THADA: variants seen among roughly 807,000 people sequenced by gnomAD.
THADA encodes the protein tRNA (32-2'-O)-methyltransferase regulator THADA.
THADA carries 213 observed loss-of-function variants against 219.8 expected under a neutral mutation model. The ratio of observed to expected loss-of-function variants is 0.97; its 90% CI spans 0.87 to 1.09. The LOEUF (loss-of-function observed/expected upper bound fraction) is 1.09. Among genes scored for constraint, THADA ranks in the 50% least tolerant of loss-of-function variants. The pLI, the probability that THADA is intolerant of heterozygous loss-of-function variation, is 0.00. For missense variants in THADA, 2,956 were observed against 2,311.3 expected, an observed-to-expected ratio of 1.28 and a Z score of -5.72; for synonymous variants, 1,018 against 828.9, an observed-to-expected ratio of 1.23 and a Z score of -3.92.
chr2:43,397,549 C>T (rs1273214755), intron 29 of THADA, among the ~76,000 whole-genome samples: 1 of 152,000 alleles, frequency 6.6e-6, no homozygotes, highest in African/African-American at 2.4e-5. Context: ...TGCCACAGGG[C>T]AAACTCTCCC....
At chr2:43,321,609 T>C (rs373282666) in intron 30 of THADA, among the ~76,000 whole-genome samples, 1 of 152,320 alleles carries the variant, frequency 6.6e-6, no homozygotes, top group South Asian at 2.1e-4. Flanking sequence ...TGCGTGCTCT[T>C]TTCTGCCTTC....
intron 29 of THADA, among the ~76,000 whole-genome samples, chr2:43,385,909 C>G (rs1405524326): frequency 6.6e-6 from 1 of 151,392 alleles, no homozygotes; most frequent in Non-Finnish European, 1.5e-5. Flanking sequence ...AATCTTAGAC[C>G]TTTTTAGAAA....
intron 26 of THADA, among the ~76,000 whole-genome samples, chr2:43,465,564 G>T (rs770345905): frequency 6.6e-6 from 1 of 152,178 alleles, no homozygotes; most frequent in Non-Finnish European, 1.5e-5. Flanking sequence ...AATACTCACA[G>T]ATCTTGAAAA....
At chr2:43,320,423 T>A in intron 31 of THADA, 23 bp downstream of exon 31, 1 of 1,582,800 alleles carries the variant, frequency 6.3e-7, no homozygotes, top group South Asian at 1.1e-5. Context: ...GATTCCAAAA[T>A]ACAGTATAAC....
intron 20 of THADA, among the ~76,000 whole-genome samples, chr2:43,543,004 C>T (rs978945755): frequency 1.4e-5 from 2 of 144,586 alleles, no homozygotes; most frequent in Admixed American, 6.9e-5. Context: ...TCTCCTAAAG[C>T]TATCCCTCCC....
chr2:43,466,905 G>A (rs181945195), intron 26 of THADA, among the ~76,000 whole-genome samples: 340 of 148,304 alleles, frequency 2.3e-3, no homozygotes, highest in Middle Eastern at 0.013. Flanking sequence ...ACGGGGGGCC[G>A]GGCACGGTGG....
chr2:43,281,059 C>G (rs951575835), intron 35 of THADA, among the ~76,000 whole-genome samples: 2 of 152,138 alleles, frequency 1.3e-5, no homozygotes, highest in African/African-American at 4.8e-5. Flanking sequence ...CCATGGAAGA[C>G]CACCACGCAG....
chr2:43,436,734 C>T (rs1453810051), intron 26 of THADA, among the ~76,000 whole-genome samples: 1 of 152,144 alleles, frequency 6.6e-6, no homozygotes, highest in Non-Finnish European at 1.5e-5. Flanking sequence ...TAAGATTTAC[C>T]AGCTGATTGT....
At chr2:43,399,641 G>A (rs1377260945) in intron 28 of THADA, among the ~76,000 whole-genome samples, 1 of 152,138 alleles carries the variant, frequency 6.6e-6, no homozygotes, top group Admixed American at 6.5e-5. Flanking sequence ...TTTCAGGATG[G>A]AGAAGAGGTC....
intron 29 of THADA, among the ~76,000 whole-genome samples, chr2:43,367,158 G>T (rs975756908): frequency 6.6e-6 from 1 of 152,096 alleles, no homozygotes; most frequent in Non-Finnish European, 1.5e-5. Context: ...AAAATAGAAT[G>T]GTAGTTGCTA....
intron 16 of THADA, among the ~76,000 whole-genome samples, chr2:43,557,360 C>T (rs896379637): frequency 6.6e-5 from 10 of 152,146 alleles, no homozygotes; most frequent in Admixed American, 6.5e-4. Context: ...CTAGACAGGG[C>T]AGTTCATAGT....
At chr2:43,232,921 C>T (rs778702267) in intron 36 of THADA, 39 bp from the exon 37 acceptor site, 1 of 1,566,118 alleles carries the variant, frequency 6.4e-7, no homozygotes. Context: ...GAATATACTG[C>T]TCAGGGCCGA....
intron 15 of THADA, chr2:43,562,586 T>A (rs1698199571): frequency 6.6e-6 from 1 of 152,112 alleles, no homozygotes; most frequent in Admixed American, 6.6e-5. Flanking sequence ...ATCGGGGTAA[T>A]CATGGCCTTA....
At chr2:43,494,057 A>T (rs973180938) in intron 25 of THADA, among the ~76,000 whole-genome samples, 4 of 152,174 alleles carry the variant, frequency 2.6e-5, no homozygotes, top group African/African-American at 9.7e-5. Context: ...TCATCCAGCC[A>T]CTTTCAGACT....
In THADA at chr2:43,544,307, A is replaced by G. The variant is rs549470162; in HGVS notation, c.3107-2991T>C. Among the ~76,000 whole-genome samples the G allele has an allele frequency of 8.0e-4, 122 of 152,284 alleles. 1 individual carries two copies. In the South Asian group the frequency reaches 0.025, roughly 31 times the overall value. On this transcript the variant is annotated intron_variant, in intron 20 of 37. Transcript: ENST00000405975. The stretch of plus-strand genomic sequence containing the variant: ...ATAGCATAGTTTGAAGTCAGGTAGC[A>G]TGATGCCTCCAGCTTTGTTCTTTTG...
intron 26 of THADA, among the ~76,000 whole-genome samples, chr2:43,446,748 C>G (rs1199518969): frequency 6.6e-6 from 1 of 152,032 alleles, no homozygotes; most frequent in Non-Finnish European, 1.5e-5. Flanking sequence ...GAGTTAGACT[C>G]TGTGGAAAAG....
chr2:43,399,775 T>C (rs1467294685), intron 28 of THADA, among the ~76,000 whole-genome samples: 1 of 152,200 alleles, frequency 6.6e-6, no homozygotes, highest in Admixed American at 6.5e-5. Context: ...TTTTAAGTGA[T>C]TAAATGTTTA....
At position 43,571,874 on chromosome 2, in the gene THADA, C is replaced by G; in HGVS notation, c.1909-12G>C. 6.2e-7 allele frequency: 1 copy of G among 1,610,088 alleles called. No homozygotes were observed. The highest frequency in any genetic ancestry group is 8.5e-7 in the Non-Finnish European group (1 of 1,178,204). On this transcript the variant is annotated splice_polypyrimidine_tract_variant and intron_variant, in intron 12 of 37. Transcript: ENST00000405975. Reference sequence around the variant, plus strand: ...GTATCTATCCTTACCTAAAAAACATCAAGCAATAAAATGTTAATTTTCCAA... The same window carrying G: ...GTATCTATCCTTACCTAAAAAACATGAAGCAATAAAATGTTAATTTTCCAA...
intron 26 of THADA, among the ~76,000 whole-genome samples, chr2:43,454,454 C>A (rs1682738188): frequency 6.6e-6 from 1 of 151,836 alleles, no homozygotes. Context: ...ATACAAAAAT[C>A]AGCCAGGTGT....
Sources: gnomAD v4.1 joint callset for allele counts (sites outside exome capture counted in the v4.1 genomes callset) on GRCh38, gnomAD v4.1.1 for gene constraint, MANE v1.5 for transcripts, NCBI Gene and HGNC (gene_info 2026-07-23, HGNC 2026-07-21) for gene names.